NUSAP1: variants seen among roughly 807,000 people sequenced by gnomAD.
NUSAP1 encodes nucleolar and spindle-associated protein 1.
Under a neutral mutation model 52.8 loss-of-function variants are expected in NUSAP1, and 32 were observed. The ratio of observed to expected loss-of-function variants is 0.61; its 90% confidence interval spans 0.46 to 0.81. The LOEUF is 0.81. Among genes scored for constraint, NUSAP1 ranks in the 40% least tolerant of loss-of-function variants. NUSAP1 has a pLI of 0.00. For missense variants in NUSAP1, 499 were observed against 522.3 expected (o/e 0.96, Z 0.43); for synonymous variants, 195 against 183.1 (o/e 1.06, Z -0.52).
intron 7 of NUSAP1, among the ~76,000 whole-genome samples, chr15:41,370,095 A>C (rs1210711741): frequency 6.6e-6 from 1 of 150,754 alleles, no homozygotes; most frequent in Non-Finnish European, 1.5e-5. Context: ...AAAGAAAGAC[A>C]AATCAGCCAG....
chr15:41,338,793 T>TAAAAAAA (rs560430284), intron 1 of NUSAP1, among the ~76,000 whole-genome samples: 1 of 143,284 alleles, frequency 7.0e-6, no homozygotes, highest in Non-Finnish European at 1.5e-5. Context: ...CCGTCTCTAC[T>TAAAAAAA]AAAAAAAAAA....
At chr15:41,371,038 G>GT (rs531775127) in intron 7 of NUSAP1, among the ~76,000 whole-genome samples, 102 of 152,332 alleles carry the variant, frequency 6.7e-4, no homozygotes, top group African/African-American at 2.3e-3. Context: ...AAATACATTT[G>GT]TGGCAATTTG....
At chr15:41,348,731 C>T (rs1364651617) in intron 2 of NUSAP1, among the ~76,000 whole-genome samples, 1 of 152,124 alleles carries the variant, frequency 6.6e-6, no homozygotes, top group Non-Finnish European at 1.5e-5. Context: ...CCTCCCCTTG[C>T]CGGGTCAAGT....
At chr15:41,362,890 T>C (rs1405535197) in intron 6 of NUSAP1, among the ~76,000 whole-genome samples, 4 of 152,126 alleles carry the variant, frequency 2.6e-5, no homozygotes, top group Non-Finnish European at 5.9e-5. Context: ...GGAAAAATGC[T>C]TGAAGCCCGT....
chr15:41,351,947 CT>C (rs200446274), intron 4 of NUSAP1: 26,556 of 143,492 alleles, frequency 0.19, 2,892 homozygotes, highest in Non-Finnish European at 0.26. Context: ...TATAGAATTT[CT>C]TTTTTTTTTT....
At chr15:41,365,246 T>C (rs1041422114) in intron 6 of NUSAP1, among the ~76,000 whole-genome samples, 156 bp from the exon 7 acceptor site, 11 of 151,040 alleles carry the variant, frequency 7.3e-5, no homozygotes, top group Admixed American at 6.6e-4. Flanking sequence ...AACCTCCGCC[T>C]CCTGGGTTCA....
At chr15:41,365,686 C>T (rs571231289) in intron 7 of NUSAP1, 97 bp downstream of exon 7, 6 of 740,334 alleles carry the variant, frequency 8.1e-6, no homozygotes, top group Non-Finnish European at 1.2e-5. Context: ...CGTACATACT[C>T]ATAGGGTACA....
chr15:41,377,513 C>A (rs1021343095), intron 10 of NUSAP1, among the ~76,000 whole-genome samples: 1 of 150,694 alleles, frequency 6.6e-6, no homozygotes, highest in South Asian at 2.1e-4. Flanking sequence ...TCCTGGCTAA[C>A]ACGGTGAAAC....
intron 1 of NUSAP1, among the ~76,000 whole-genome samples, chr15:41,339,962 G>C (rs897795713): frequency 1.3e-5 from 2 of 151,118 alleles, no homozygotes; most frequent in African/African-American, 4.9e-5. Flanking sequence ...TTGCAGACAT[G>C]GGGTTTCACC....
At chr15:41,351,212 C>A in intron 4 of NUSAP1, 83 bp downstream of exon 4, 2 of 1,393,096 alleles carry the variant, frequency 1.4e-6, no homozygotes, top group Non-Finnish European at 2.0e-6. Context: ...TTTCCTAGGA[C>A]TGTTGTGACA....
At chr15:41,342,773 A>C (rs1489328819) in intron 2 of NUSAP1, among the ~76,000 whole-genome samples, 1 of 152,096 alleles carries the variant, frequency 6.6e-6, no homozygotes, top group African/African-American at 2.4e-5. Flanking sequence ...CGGGAGGTGG[A>C]GGTTGCAGTG....
chr15:41,348,429 A>G (rs550149297), intron 2 of NUSAP1, among the ~76,000 whole-genome samples: 1 of 152,216 alleles, frequency 6.6e-6, no homozygotes, highest in South Asian at 2.1e-4. Context: ...CATGTTGCCC[A>G]GGCTGGTCTC....
chr15:41,381,003 A>AC lies in NUSAP1; in HGVS notation c.*817_*818insC, dbSNP rs2050184890. On this transcript the variant is annotated 3_prime_UTR_variant, in exon 11 of 11. Coordinates refer to ENST00000559596, the MANE Select transcript of NUSAP1 (RefSeq NM_016359.5). The stretch of plus-strand genomic sequence containing the variant: ...CACCTCAGTGGAGCTTCTGAGTTTT[A>AC]TACTGCTCAAGATCGTCATAAATAA... 1 of 152,220 alleles carries AC rather than the reference A, an allele frequency of 6.6e-6. No individual in the cohort carries two copies. The highest frequency in any genetic ancestry group is 2.4e-5 in the African/African-American group (1 of 41,452). The allele number at this position is 152,220 out of a possible 1,614,324, so 9.4% of individuals were successfully genotyped here.
chr15:41,374,431 T>C (rs189870114), intron 8 of NUSAP1, among the ~76,000 whole-genome samples: 1 of 152,292 alleles, frequency 6.6e-6, no homozygotes, highest in East Asian at 1.9e-4. Context: ...ATTCATGACC[T>C]ATTTACCTCC....
chr15:41,339,802 A>G (rs1268745228), intron 1 of NUSAP1, among the ~76,000 whole-genome samples: 2 of 151,150 alleles, frequency 1.3e-5, no homozygotes, highest in Admixed American at 1.3e-4. Context: ...TTTTTTTGAG[A>G]CAGACTTTCG....
intron 1 of NUSAP1, among the ~76,000 whole-genome samples, chr15:41,336,761 C>T (rs2048166397): frequency 6.8e-6 from 1 of 147,128 alleles, no homozygotes; most frequent in Non-Finnish European, 1.5e-5. Flanking sequence ...ATCCTCCCAC[C>T]TCAGCCTCCT....
chr15:41,378,000 A>C (rs1414188593), intron 10 of NUSAP1, among the ~76,000 whole-genome samples: 1 of 152,132 alleles, frequency 6.6e-6, no homozygotes, highest in Non-Finnish European at 1.5e-5. Context: ...AAAAAAAAAA[A>C]AAAGTGGTAT....
intron 2 of NUSAP1, among the ~76,000 whole-genome samples, chr15:41,348,790 C>T (rs144593069): frequency 1.3e-5 from 2 of 152,162 alleles, no homozygotes; most frequent in East Asian, 3.9e-4. Context: ...AGGCATGCAC[C>T]ACCATGCCCG....
In NUSAP1 at chr15:41,380,308, CTG is replaced by C. The variant is rs1224752005; in HGVS notation, c.*126_*127del. ...TCTTTTTCTGCTAACTGTTCATAGTCTGTGTAGTGTCCATGGGTTCTTCATGT... is the reference window on the plus strand; with the variant it reads ...TCTTTTTCTGCTAACTGTTCATAGTCTGTAGTGTCCATGGGTTCTTCATGT... On this transcript the variant is annotated 3_prime_UTR_variant, in exon 11 of 11. Transcript: ENST00000559596. 2.6e-5 allele frequency: 17 copies of C among 646,690 alleles called. No individual in the cohort carries two copies. The East Asian group carries it at 4.5e-4, about 17-fold the overall frequency. The allele number at this position is 646,690 out of a possible 1,614,324, so 40.1% of individuals were successfully genotyped here. A position where few individuals can be genotyped will look rare whatever the true frequency, so the allele number is the denominator to read the frequency against.
Sources: gnomAD v4.1 joint callset for allele counts (sites outside exome capture counted in the v4.1 genomes callset) on GRCh38, gnomAD v4.1.1 for gene constraint, MANE v1.5 for transcripts, NCBI Gene and HGNC (gene_info 2026-07-23, HGNC 2026-07-21) for gene names.